Variants in SLC35F3 observed in about 807,000 individuals in gnomAD.
The protein encoded by SLC35F3 is solute carrier family 35 member F3.
Under a neutral mutation model 49.9 loss-of-function variants are expected in SLC35F3, and 25 were observed. The ratio of observed to expected loss-of-function variants is 0.50; its 90% CI spans 0.37 to 0.70. SLC35F3 has a LOEUF of 0.70. SLC35F3 is among the 30% of genes least tolerant of loss of function. SLC35F3 has a pLI of 0.00. For synonymous variants in SLC35F3, 275 were observed against 265.4 expected (o/e 1.04, Z -0.35); for missense variants, 525 against 639.8 (o/e 0.82, Z 1.94).
chr1:233,961,368 T>A (rs1048226331), intron 2 of SLC35F3, among the ~76,000 whole-genome samples: 4 of 151,750 alleles, frequency 2.6e-5, no homozygotes, highest in Non-Finnish European at 5.9e-5. Context: ...AAGAGCTGCT[T>A]GAGAGATCTT....
chr1:233,931,920 A>G (rs1312050992), intron 2 of SLC35F3, among the ~76,000 whole-genome samples: 1 of 152,254 alleles, frequency 6.6e-6, no homozygotes, highest in Non-Finnish European at 1.5e-5. Flanking sequence ...TAGTCTGGAT[A>G]AAGAAAATGT....
rs1344362857 is a variant in SLC35F3 at position 234,309,100 on chromosome 1, G to A, written c.609-1G>A. 1 of 1,613,440 alleles carries A rather than the reference G, an allele frequency of 6.2e-7. No homozygotes were observed. Among genetic ancestry groups the A allele is most frequent in the African/African-American group, 1.3e-5 (1 of 74,852 alleles). On this transcript the variant is annotated splice_acceptor_variant, in intron 3 of 7. Transcript: ENST00000366618. LOFTEE classifies it high-confidence loss of function. ...ACGATGCCTCTCTTTCCTTGTTTTA[G>A]GGAATGCTGTCGATTTTTTGGAGAC...
chr1:234,202,461 C>CA (rs1666913053), intron 2 of SLC35F3, among the ~76,000 whole-genome samples: 1 of 152,128 alleles, frequency 6.6e-6, no homozygotes, highest in Non-Finnish European at 1.5e-5. Context: ...TATTGATAAA[C>CA]AATATGTAAT....
intron 3 of SLC35F3, among the ~76,000 whole-genome samples, chr1:234,270,889 G>A (rs1011846536): frequency 1.3e-5 from 2 of 152,206 alleles, no homozygotes; most frequent in African/African-American, 4.8e-5. Flanking sequence ...CTGCTCAGAA[G>A]TTGTCCTCAT....
chr1:233,999,888 T>C (rs1393372732), intron 2 of SLC35F3, among the ~76,000 whole-genome samples: 1 of 152,188 alleles, frequency 6.6e-6, no homozygotes, highest in Non-Finnish European at 1.5e-5. Context: ...GATAAAGATT[T>C]GTTAACAAGT....
intron 2 of SLC35F3, among the ~76,000 whole-genome samples, chr1:233,962,530 G>T (rs1274286279): frequency 6.6e-6 from 1 of 152,196 alleles, no homozygotes; most frequent in Admixed American, 6.5e-5. Context: ...TTTGTGAGGG[G>T]CTTATATGCA....
chr1:234,250,670 A>G (rs981993298), intron 3 of SLC35F3, among the ~76,000 whole-genome samples: 3 of 151,742 alleles, frequency 2.0e-5, no homozygotes, highest in Non-Finnish European at 4.4e-5. Flanking sequence ...AAAAAAAAAA[A>G]AAGAAGTTCC....
chr1:234,316,859 T>C, intron 5 of SLC35F3, 132 bp downstream of exon 5: 1 of 1,175,456 alleles, frequency 8.5e-7, no homozygotes, highest in South Asian at 1.7e-5. Context: ...CAGCTCTAGA[T>C]AGCTGGAGTC....
At chr1:234,216,029 C>T (rs1432516579) in intron 2 of SLC35F3, among the ~76,000 whole-genome samples, 3 of 152,322 alleles carry the variant, frequency 2.0e-5, no homozygotes, top group African/African-American at 7.2e-5. Flanking sequence ...CTTCTTCTCT[C>T]CTCCATCCCA....
At chr1:233,965,185 A>G (rs1378449299) in intron 2 of SLC35F3, among the ~76,000 whole-genome samples, 1 of 152,210 alleles carries the variant, frequency 6.6e-6, no homozygotes, top group Non-Finnish European at 1.5e-5. Flanking sequence ...AAGTTTTTTT[A>G]GAGGGACATT....
intron 2 of SLC35F3, among the ~76,000 whole-genome samples, chr1:234,093,258 A>C (rs1188591796): frequency 6.6e-6 from 1 of 152,236 alleles, no homozygotes; most frequent in African/African-American, 2.4e-5. Flanking sequence ...TTGAGAACAA[A>C]AGGCTTTATC....
intron 4 of SLC35F3, among the ~76,000 whole-genome samples, chr1:234,312,105 A>C (rs1572147864): frequency 6.6e-6 from 1 of 152,324 alleles, no homozygotes; most frequent in East Asian, 1.9e-4. Context: ...TTAGAGAGGC[A>C]GTTTAATGTG....
intron 3 of SLC35F3, among the ~76,000 whole-genome samples, chr1:234,237,098 G>A (rs1162631847): frequency 6.6e-6 from 1 of 151,552 alleles, no homozygotes; most frequent in Non-Finnish European, 1.5e-5. Context: ...CCCGATCAAG[G>A]AGTTGGGGCT....
intron 3 of SLC35F3, among the ~76,000 whole-genome samples, chr1:234,302,688 A>G (rs11587679): frequency 0.1 from 15,586 of 152,096 alleles, 977 homozygotes; most frequent in African/African-American, 0.18. Flanking sequence ...CTCCGCTACT[A>G]ACATCTGTTT....
intron 2 of SLC35F3, among the ~76,000 whole-genome samples, chr1:233,959,772 G>A (rs1300958569): frequency 2.6e-5 from 4 of 152,148 alleles, no homozygotes. Context: ...GGCAGAGTGG[G>A]GATTAGATCC....
chr1:234,282,905 G>A (rs762317054), intron 3 of SLC35F3, among the ~76,000 whole-genome samples: 6 of 152,206 alleles, frequency 3.9e-5, no homozygotes, highest in Admixed American at 6.5e-5. Flanking sequence ...GTTATTAAAG[G>A]TGATTGTGAA....
chr1:234,231,406 C>T lies in SLC35F3; in HGVS notation c.284-11C>T. On this transcript the variant is annotated splice_polypyrimidine_tract_variant and intron_variant, in intron 2 of 7. Coordinates refer to ENST00000366618, the MANE Select transcript of SLC35F3 (RefSeq NM_173508.4). The surrounding 1 kb of genome is among the most constrained non-coding windows in gnomAD (Gnocchi z 5.4). ...TGCAGGCCCCGCTAACCACGCCCTTCTCTTCCCCAGGGGAGGAGCGCCCCC... is the reference window on the plus strand; with the variant it reads ...TGCAGGCCCCGCTAACCACGCCCTTTTCTTCCCCAGGGGAGGAGCGCCCCC... The T allele has an allele frequency of 6.6e-7, 1 of 1,520,274 alleles. No individual in the cohort carries two copies. The highest frequency in any genetic ancestry group is 8.8e-7 in the Non-Finnish European group (1 of 1,137,234). 94.2% of individuals were successfully genotyped at this position (1,520,274 alleles called of 1,614,324 possible). A position where few individuals can be genotyped will look rare whatever the true frequency, so the allele number is the denominator to read the frequency against.
At chr1:234,250,937 C>G (rs1667729084) in intron 3 of SLC35F3, among the ~76,000 whole-genome samples, 1 of 152,250 alleles carries the variant, frequency 6.6e-6, no homozygotes, top group African/African-American at 2.4e-5. Context: ...ATACAAAGAC[C>G]TCCCATTAGG....
intron 2 of SLC35F3, among the ~76,000 whole-genome samples, chr1:234,084,374 C>CA (rs1339917774): frequency 6.6e-6 from 1 of 152,056 alleles, no homozygotes; most frequent in Non-Finnish European, 1.5e-5. Flanking sequence ...CGTTGCCAAA[C>CA]AAATATGAGA....
Sources: allele counts gnomAD v4.1 joint callset (sites outside exome capture counted in the v4.1 genomes callset), GRCh38; gene constraint gnomAD v4.1.1; non-coding constraint Gnocchi (gnomAD v3.1); transcripts MANE v1.5; gene names NCBI Gene and HGNC (gene_info 2026-07-23, HGNC 2026-07-21).